CALN1: variants seen among roughly 807,000 people sequenced by gnomAD.
CALN1 encodes the protein calcium-binding protein 8.
CALN1 carries 17 observed loss-of-function variants against 30.6 expected under a neutral mutation model. The observed-to-expected ratio is 0.56, with a 90% CI of 0.38 to 0.83. The LOEUF is 0.83. Ranked by LOEUF, CALN1 falls within the 40% of genes least tolerant of loss-of-function variation. The probability of loss-of-function intolerance (pLI) is 0.00; values close to 1 mark genes in which losing one functional copy is unlikely to be tolerated. For missense variants in CALN1, 291 were observed against 354.9 expected (o/e 0.82, Z 1.45); for synonymous variants, 156 against 131.4 (o/e 1.19, Z -1.28).
chr7:72,248,391 G>A (rs918138924), intron 3 of CALN1, among the ~76,000 whole-genome samples: 2 of 152,078 alleles, frequency 1.3e-5, no homozygotes, highest in African/African-American at 2.4e-5. Context: ...GAACCACCAC[G>A]CCCGGCCTCT....
intron 2 of CALN1, among the ~76,000 whole-genome samples, chr7:72,282,614 A>C (rs1342650157): frequency 6.6e-6 from 1 of 152,242 alleles, no homozygotes; most frequent in East Asian, 1.9e-4. Flanking sequence ...AGCAGAGAGC[A>C]GCTCTCACCA....
At chr7:72,150,017 G>A (rs1787100629) in intron 3 of CALN1, among the ~76,000 whole-genome samples, 2 of 151,912 alleles carry the variant, frequency 1.3e-5, no homozygotes. Context: ...AAGCTACTCA[G>A]GAGGCTGAGG....
rs756706612 is a variant in CALN1 at position 72,066,691 on chromosome 7, C to T, written c.388+39460G>A. Among the ~76,000 whole-genome samples, 24 of 152,098 alleles carry T rather than the reference C, an allele frequency of 1.6e-4. 1 individual carries two copies. The highest frequency in any genetic ancestry group is 8.8e-5 in the Non-Finnish European group (6 of 68,008). ...ACAGTGGCGCCATCACGGCTCACTG[C>T]AGCCTTGAACTCCTTGGCTCAAGTA... is the stretch of plus-strand genomic sequence containing the variant. On this transcript the variant is annotated intron_variant, in intron 4 of 6. Transcript: ENST00000395275.
chr7:71,930,318 A>C (rs1004558026), intron 5 of CALN1, among the ~76,000 whole-genome samples: 1 of 152,222 alleles, frequency 6.6e-6, no homozygotes, highest in Non-Finnish European at 1.5e-5. Flanking sequence ...GTTTCCTTAA[A>C]GACATAATGT....
chr7:72,400,070 G>C (rs1204729160), intron 2 of CALN1, among the ~76,000 whole-genome samples: 2 of 152,170 alleles, frequency 1.3e-5, no homozygotes, highest in African/African-American at 2.4e-5. Context: ...GCAGAACCAT[G>C]AGCCAAATAA....
chr7:72,315,877 C>T (rs773491665), intron 2 of CALN1, among the ~76,000 whole-genome samples: 19 of 151,980 alleles, frequency 1.3e-4, no homozygotes, highest in South Asian at 2.1e-4. Context: ...CGGCCGGGCG[C>T]GAATCATGCC....
At chr7:71,908,557 C>A (rs760796866) in intron 5 of CALN1, among the ~76,000 whole-genome samples, 2 of 152,068 alleles carry the variant, frequency 1.3e-5, no homozygotes, top group Admixed American at 1.3e-4. Context: ...TTCACTGATT[C>A]ACGAGAAAAG....
At chr7:72,354,949 G>A (rs912957734) in intron 2 of CALN1, among the ~76,000 whole-genome samples, 10 of 144,652 alleles carry the variant, frequency 6.9e-5, no homozygotes, top group African/African-American at 2.6e-4. Context: ...TCGCTTTGTC[G>A]CCAAAGCTGG....
intron 5 of CALN1, among the ~76,000 whole-genome samples, chr7:71,907,746 G>A (rs1379852955): frequency 6.6e-6 from 1 of 152,224 alleles, no homozygotes. Context: ...ATTCTCAGAT[G>A]TAGATATCCT....
At chr7:72,254,826 G>A (rs1795805477) in intron 3 of CALN1, among the ~76,000 whole-genome samples, 1 of 152,044 alleles carries the variant, frequency 6.6e-6, no homozygotes, top group African/African-American at 2.4e-5. Context: ...GAGTGCAGTG[G>A]TGCCATCTCG....
intron 5 of CALN1, among the ~76,000 whole-genome samples, chr7:71,848,705 A>T (rs1323679352): frequency 6.6e-6 from 1 of 152,102 alleles, no homozygotes; most frequent in East Asian, 1.9e-4. Flanking sequence ...AAGTTGAGAA[A>T]AAAGGGAATT....
intron 3 of CALN1, among the ~76,000 whole-genome samples, chr7:72,242,181 C>T (rs1794884554): frequency 6.6e-6 from 1 of 152,140 alleles, no homozygotes; most frequent in Non-Finnish European, 1.5e-5. Context: ...CTTCAAGGTG[C>T]ACCCATGCTG....
At chr7:72,393,728 T>C (rs1805734665) in intron 2 of CALN1, among the ~76,000 whole-genome samples, 1 of 149,904 alleles carries the variant, frequency 6.7e-6, no homozygotes, top group Admixed American at 6.7e-5. Flanking sequence ...CCATTTAGCT[T>C]ATTGACCATA....
chr7:72,008,139 G>A (rs879148376), intron 5 of CALN1, among the ~76,000 whole-genome samples: 1 of 152,072 alleles, frequency 6.6e-6, no homozygotes, highest in Non-Finnish European at 1.5e-5. Context: ...ACCATATTAT[G>A]TTTGCAGAAA....
At chr7:71,944,185 G>A (rs892504073) in intron 5 of CALN1, among the ~76,000 whole-genome samples, 17 of 152,176 alleles carry the variant, frequency 1.1e-4, no homozygotes, top group Admixed American at 1.0e-3. Context: ...AGTGGCTCAA[G>A]CCTGTAATCC....
chr7:72,235,670 C>T (rs1361308910), intron 3 of CALN1, among the ~76,000 whole-genome samples: 1 of 150,428 alleles, frequency 6.6e-6, no homozygotes, highest in African/African-American at 2.5e-5. Context: ...CTCCAGCATC[C>T]CCCACCCCCG....
intron 2 of CALN1, among the ~76,000 whole-genome samples, chr7:72,288,898 C>T (rs547585304): frequency 6.6e-6 from 1 of 152,150 alleles, no homozygotes; most frequent in African/African-American, 2.4e-5. Context: ...AACTTTTCCA[C>T]AAGTTTGCCA....
In CALN1 at chr7:72,220,551, T is replaced by C. The variant is rs1048011506; in HGVS notation, c.244+58135A>G. On this transcript the variant is annotated intron_variant, in intron 3 of 6. Coordinates refer to ENST00000395275, the MANE Select transcript of CALN1 (RefSeq NM_031468.4). ...AGCATGATTTATAATCCTTTGGGTA[T>C]ATACCCAGTAATGGGATGGCTGGGT... Among the ~76,000 whole-genome samples, 931 of 152,278 alleles carry C rather than the reference T, an allele frequency of 6.1e-3. 15 individuals are homozygous for C. Among genetic ancestry groups the C allele is most frequent in the African/African-American group, 0.021 (883 of 41,546 alleles).
At chr7:72,117,957 C>CA (rs35965942) in intron 3 of CALN1, among the ~76,000 whole-genome samples, 33,661 of 103,330 alleles carry the variant, frequency 0.33, 5,416 homozygotes, top group East Asian at 0.7. Flanking sequence ...GACACCGTCT[C>CA]AAAAAAAAAA....
Sources: allele counts gnomAD v4.1 joint callset (sites outside exome capture counted in the v4.1 genomes callset), GRCh38; gene constraint gnomAD v4.1.1; transcripts MANE v1.5; gene names NCBI Gene and HGNC (gene_info 2026-07-23, HGNC 2026-07-21).